Variants in RSRC1 observed in about 807,000 individuals in gnomAD.
The protein encoded by RSRC1 is serine/Arginine-related protein 53.
A neutral mutation model predicts 49.1 loss-of-function variants in RSRC1; 39 were observed. The ratio of observed to expected loss-of-function variants is 0.79; its 90% CI spans 0.61 to 1.04. The LOEUF is 1.04. RSRC1 is among the 50% of genes least tolerant of loss of function. The pLI is 0.00. For synonymous variants in RSRC1, 143 were observed against 130.8 expected, an observed-to-expected ratio of 1.09 and a Z score of -0.63; for missense variants, 388 against 402.4, an observed-to-expected ratio of 0.96 and a Z score of 0.31.
chr3:158,516,175 G>A (rs533892758), intron 7 of RSRC1, among the ~76,000 whole-genome samples: 5 of 152,186 alleles, frequency 3.3e-5, no homozygotes, highest in South Asian at 2.1e-4. Context: ...AGAGGTGCTC[G>A]CTTTTTAGAG....
Position 158,529,043 on chromosome 3 carries a change from T to A in RSRC1, c.653-8049T>A, listed in dbSNP as rs1159934365. On this transcript the variant is annotated intron_variant, in intron 7 of 9. Coordinates refer to ENST00000611884, the MANE Select transcript of RSRC1 (RefSeq NM_001271838.2). ...AAATGCTAGGTTTTTAGAAACTTTT[T>A]AAATTCATTTACAAAGGTTTTCTAG... 2.0e-5 allele frequency among the ~76,000 whole-genome samples: 3 copies of A among 151,716 alleles called. No homozygotes were observed. In the East Asian group the frequency reaches 5.8e-4, roughly 29 times the overall value.
At chr3:158,123,765 A>G in intron 2 of RSRC1, 101 bp from the exon 3 acceptor site, 7 of 1,085,384 alleles carry the variant, frequency 6.4e-6, no homozygotes, top group Non-Finnish European at 9.2e-6. Flanking sequence ...AAACAGTGAG[A>G]CAGTAAAAAT....
In RSRC1 at chr3:158,283,833, C is replaced by T. The variant is rs188291874; in HGVS notation, c.495-14206C>T. On this transcript the variant is annotated intron_variant, in intron 4 of 9. Coordinates refer to ENST00000611884, the MANE Select transcript of RSRC1 (RefSeq NM_001271838.2). ...TTCCACTGGCAGTGCATGAGGATACCTGATTCTCAGCACCTTTGCCAACAA... is the reference window on the plus strand; with the variant it reads ...TTCCACTGGCAGTGCATGAGGATACTTGATTCTCAGCACCTTTGCCAACAA... Among the ~76,000 whole-genome samples the T allele has an allele frequency of 1.3e-3, 197 of 151,582 alleles. 1 individual carries two copies. The highest frequency in any genetic ancestry group is 2.0e-3 in the Non-Finnish European group (137 of 67,938).
At chr3:158,421,268 C>T (rs1440691975) in intron 6 of RSRC1, among the ~76,000 whole-genome samples, 1 of 151,846 alleles carries the variant, frequency 6.6e-6, no homozygotes, top group Non-Finnish European at 1.5e-5. Flanking sequence ...ATAGGTGATT[C>T]GTGGCCTTAT....
intron 6 of RSRC1, among the ~76,000 whole-genome samples, chr3:158,417,460 A>G (rs1734805971): frequency 6.6e-6 from 1 of 152,028 alleles, no homozygotes; most frequent in Admixed American, 6.6e-5. Flanking sequence ...GGAAAAAATC[A>G]CACTGAGATT....
chr3:158,398,286 A>T (rs956841051), intron 6 of RSRC1, among the ~76,000 whole-genome samples: 50 of 152,056 alleles, frequency 3.3e-4, no homozygotes, highest in African/African-American at 1.0e-3. Flanking sequence ...CAGTTCCTGG[A>T]GGTCCACGAT....
At chr3:158,248,398 A>G (rs1247555815) in intron 4 of RSRC1, among the ~76,000 whole-genome samples, 2 of 152,120 alleles carry the variant, frequency 1.3e-5, no homozygotes, top group Admixed American at 6.5e-5. Flanking sequence ...GTAATATTCT[A>G]TTCCATAAAT....
intron 3 of RSRC1, 66 bp downstream of exon 3, chr3:158,124,057 C>A (rs937226552): frequency 8.6e-7 from 1 of 1,158,970 alleles, no homozygotes; most frequent in Non-Finnish European, 1.2e-6. Flanking sequence ...TGTAAAGCAA[C>A]AATCATTTAT....
At chr3:158,497,596 C>G (rs1739403906) in intron 7 of RSRC1, among the ~76,000 whole-genome samples, 1 of 152,018 alleles carries the variant, frequency 6.6e-6, no homozygotes, top group African/African-American at 2.4e-5. Context: ...GCCACCATGC[C>G]TAACTAATTT....
chr3:158,489,052 G>A lies in RSRC1; in HGVS notation c.652+28049G>A, dbSNP rs139534982. Among the ~76,000 whole-genome samples, 4 of 152,218 alleles carry A rather than the reference G, an allele frequency of 2.6e-5. No individual in the cohort carries two copies. The East Asian group carries it at 5.8e-4, about 22-fold the overall frequency. Reference sequence around the variant, plus strand: ...TTAAGTCTTTCAATACAAGAAACACGCTAAGTTTTAAGAAATTATGCTTGT... The same window carrying A: ...TTAAGTCTTTCAATACAAGAAACACACTAAGTTTTAAGAAATTATGCTTGT... On this transcript the variant is annotated intron_variant, in intron 7 of 9. Transcript: ENST00000611884.
At chr3:158,406,356 T>A (rs1384640562) in intron 6 of RSRC1, among the ~76,000 whole-genome samples, 1 of 152,198 alleles carries the variant, frequency 6.6e-6, no homozygotes, top group Non-Finnish European at 1.5e-5. Flanking sequence ...AGTAGAAAAA[T>A]TGGGAGTGTA....
chr3:158,184,393 AT>A (rs2108256800), intron 3 of RSRC1, among the ~76,000 whole-genome samples: 1 of 152,298 alleles, frequency 6.6e-6, no homozygotes, highest in South Asian at 2.1e-4. Context: ...CCCTGAGCAT[AT>A]AACACAGTGC....
At chr3:158,131,488 T>C (rs1716022110) in intron 3 of RSRC1, among the ~76,000 whole-genome samples, 1 of 152,204 alleles carries the variant, frequency 6.6e-6, no homozygotes, top group South Asian at 2.1e-4. Flanking sequence ...TGAAATAATG[T>C]GGATATGTTC....
intron 7 of RSRC1, among the ~76,000 whole-genome samples, chr3:158,530,726 C>G (rs1397731022): frequency 6.6e-6 from 1 of 151,454 alleles, no homozygotes; most frequent in African/African-American, 2.4e-5. Context: ...AACCACTTGC[C>G]CAAAGCCACA....
chr3:158,433,489 G>T (rs1182757007), intron 6 of RSRC1, among the ~76,000 whole-genome samples: 1 of 151,948 alleles, frequency 6.6e-6, no homozygotes, highest in Non-Finnish European at 1.5e-5. Context: ...GGTACACCAG[G>T]TTAAACTGGT....
intron 3 of RSRC1, among the ~76,000 whole-genome samples, chr3:158,127,691 T>C (rs1371539242): frequency 6.6e-6 from 1 of 151,592 alleles, no homozygotes; most frequent in Non-Finnish European, 1.5e-5. Context: ...TTTGAGGTGG[T>C]TTCTGGCAAT....
At chr3:158,153,153 A>T (rs1398671042) in intron 3 of RSRC1, among the ~76,000 whole-genome samples, 1 of 152,148 alleles carries the variant, frequency 6.6e-6, no homozygotes, top group African/African-American at 2.4e-5. Context: ...TGACTGAGCA[A>T]ATTCTCAGTC....
At chr3:158,479,982 A>G (rs2108434544) in intron 7 of RSRC1, among the ~76,000 whole-genome samples, 1 of 152,150 alleles carries the variant, frequency 6.6e-6, no homozygotes, top group South Asian at 2.1e-4. Flanking sequence ...AAAAGTCAAG[A>G]GTAACCATTT....
At chr3:158,517,234 T>C (rs1415018997) in intron 7 of RSRC1, among the ~76,000 whole-genome samples, 2 of 152,240 alleles carry the variant, frequency 1.3e-5, no homozygotes, top group Non-Finnish European at 2.9e-5. Flanking sequence ...AGTTGATTCT[T>C]GAGTATTGAT....
Sources: allele counts gnomAD v4.1 joint callset (sites outside exome capture counted in the v4.1 genomes callset), GRCh38; gene constraint gnomAD v4.1.1; transcripts MANE v1.5; gene names NCBI Gene and HGNC (gene_info 2026-07-23, HGNC 2026-07-21).